The following CREB5 variants were observed in gnomAD, a reference collection of about 807,000 sequenced individuals.
CREB5 encodes the protein cyclic AMP-responsive element-binding protein 5.
A neutral mutation model predicts 57.1 loss-of-function variants in CREB5; 19 were observed. The ratio of observed to expected loss-of-function variants is 0.33; its 90% CI spans 0.23 to 0.49. The LOEUF (loss-of-function observed/expected upper bound fraction) is 0.49. Ranked by LOEUF, CREB5 falls within the 20% of genes least tolerant of loss-of-function variation. The pLI, the probability that CREB5 is intolerant of heterozygous loss-of-function variation, is 0.99. For missense variants in CREB5, 579 were observed against 671.6 expected, an observed-to-expected ratio of 0.86 and a Z score of 1.52; for synonymous variants, 238 against 238.3, an observed-to-expected ratio of 1.00 and a Z score of 0.01.
intron 1 of CREB5, among the ~76,000 whole-genome samples, chr7:28,369,860 T>G (rs189239220): frequency 2.7e-4 from 41 of 152,278 alleles, no homozygotes; most frequent in African/African-American, 9.9e-4. Context: ...TTCATATTAC[T>G]TTCTCCTAGG....
intron 5 of CREB5, among the ~76,000 whole-genome samples, chr7:28,617,747 A>T (rs1453887614): frequency 1.3e-5 from 2 of 152,222 alleles, no homozygotes; most frequent in Admixed American, 1.3e-4. Flanking sequence ...ATAGAGGGGG[A>T]AAAAGAGCAG....
intron 1 of CREB5, among the ~76,000 whole-genome samples, chr7:28,306,555 G>GTTTTTTTTTTTTTTTT (rs869277871): frequency 2.9e-4 from 17 of 58,086 alleles, no homozygotes; most frequent in Admixed American, 8.1e-4. Context: ...TGTTTTTTTT[G>GTTTTTTTTTTTTTTTT]TTTTTTTTTT....
At chr7:28,309,285 C>G (rs1005675725) in intron 1 of CREB5, among the ~76,000 whole-genome samples, 1 of 152,196 alleles carries the variant, frequency 6.6e-6, no homozygotes, top group Non-Finnish European at 1.5e-5. Flanking sequence ...TAATACACCC[C>G]TGTATCCCTG....
intron 1 of CREB5, among the ~76,000 whole-genome samples, chr7:28,445,699 C>A (rs979628874): frequency 4.6e-5 from 7 of 151,992 alleles, no homozygotes; most frequent in East Asian, 1.9e-4. Flanking sequence ...CTACAGGCGC[C>A]CGCCACCACG....
chr7:28,571,168 G>A (rs1308532866), intron 5 of CREB5, among the ~76,000 whole-genome samples: 1 of 152,146 alleles, frequency 6.6e-6, no homozygotes, highest in African/African-American at 2.4e-5. Flanking sequence ...GGCATAGCTT[G>A]GGACAGCATG....
At chr7:28,388,197 A>G (rs1027529246) in intron 1 of CREB5, among the ~76,000 whole-genome samples, 3 of 152,194 alleles carry the variant, frequency 2.0e-5, no homozygotes, top group African/African-American at 7.2e-5. Context: ...AGGTTTTCTG[A>G]ATTGCACAGG....
intron 5 of CREB5, among the ~76,000 whole-genome samples, chr7:28,701,572 G>T (rs1408462422): frequency 6.6e-6 from 1 of 151,950 alleles, no homozygotes; most frequent in Non-Finnish European, 1.5e-5. Context: ...CTACATACTC[G>T]TCTACAAATC....
At chr7:28,668,859 T>C (rs1799926961) in intron 5 of CREB5, among the ~76,000 whole-genome samples, 1 of 152,158 alleles carries the variant, frequency 6.6e-6, no homozygotes, top group Admixed American at 6.6e-5. Flanking sequence ...CACAATGCTC[T>C]GTCCACGGCC....
intron 7 of CREB5, among the ~76,000 whole-genome samples, chr7:28,743,686 A>G (rs1804506542): frequency 6.6e-6 from 1 of 152,228 alleles, no homozygotes; most frequent in Admixed American, 6.5e-5. Context: ...TGGAAGTCCA[A>G]GATCAAGGTG....
At chr7:28,458,403 G>A (rs1790208438) in intron 1 of CREB5, among the ~76,000 whole-genome samples, 1 of 152,210 alleles carries the variant, frequency 6.6e-6, no homozygotes, top group Admixed American at 6.5e-5. Context: ...TGACATGGGT[G>A]TGCTTTGAAC....
chr7:28,704,221 C>T (rs961830629), intron 5 of CREB5, among the ~76,000 whole-genome samples: 15 of 152,306 alleles, frequency 9.8e-5, no homozygotes, highest in African/African-American at 3.6e-4. Context: ...ATTTCCTGCT[C>T]ATCCAAAGGA....
chr7:28,692,330 C>T (rs768873486), intron 5 of CREB5, among the ~76,000 whole-genome samples: 3 of 152,112 alleles, frequency 2.0e-5, no homozygotes, highest in Non-Finnish European at 4.4e-5. Context: ...GAGGTGGTGA[C>T]GCATGACTGT....
At chr7:28,749,539 C>T (rs1272271409) in intron 7 of CREB5, 2 of 152,182 alleles carry the variant, frequency 1.3e-5, no homozygotes, top group African/African-American at 4.8e-5. Flanking sequence ...TATTATTGAA[C>T]AAGAAATCAC....
chr7:28,470,841 C>T (rs1199871875), intron 1 of CREB5, among the ~76,000 whole-genome samples: 1 of 152,094 alleles, frequency 6.6e-6, no homozygotes, highest in South Asian at 2.1e-4. Flanking sequence ...ACGTTGCACA[C>T]CCTTTCATAT....
intron 7 of CREB5, among the ~76,000 whole-genome samples, chr7:28,755,857 C>T (rs1805268257): frequency 6.7e-6 from 1 of 150,276 alleles, no homozygotes; most frequent in South Asian, 2.2e-4. Flanking sequence ...TGTTAGTGGC[C>T]AAAGAGTGTT....
At chr7:28,380,036 G>A (rs1031222079) in intron 1 of CREB5, among the ~76,000 whole-genome samples, 5 of 152,064 alleles carry the variant, frequency 3.3e-5, no homozygotes, top group Non-Finnish European at 5.9e-5. Context: ...ACAGGTGTGC[G>A]CCACCATGCC....
At chr7:28,551,462 T>C (rs1002628989) in intron 4 of CREB5, among the ~76,000 whole-genome samples, 2 of 152,148 alleles carry the variant, frequency 1.3e-5, no homozygotes, top group Non-Finnish European at 2.9e-5. Flanking sequence ...CCTTCCCGGG[T>C]TCATATTCTC....
At chr7:28,699,624 A>G (rs1583572456) in intron 5 of CREB5, among the ~76,000 whole-genome samples, 2 of 152,206 alleles carry the variant, frequency 1.3e-5, no homozygotes, top group Non-Finnish European at 2.9e-5. Context: ...GCTTATCTAT[A>G]TTTATTGAAC....
At chr7:28,666,674 T>C (rs12700896) in intron 5 of CREB5, among the ~76,000 whole-genome samples, 40,397 of 151,936 alleles carry the variant, frequency 0.27, 5,480 homozygotes, top group Middle Eastern at 0.36. Context: ...CAACAAACTT[T>C]GTCAAACTTG....
Sources: allele counts gnomAD v4.1 joint callset (sites outside exome capture counted in the v4.1 genomes callset), GRCh38; gene constraint gnomAD v4.1.1; transcripts MANE v1.5; gene names NCBI Gene and HGNC (gene_info 2026-07-23, HGNC 2026-07-21).